The following LETMD1 variants were observed in gnomAD, a reference collection of about 807,000 sequenced individuals.
LETMD1 encodes LETM1 domain-containing protein 1.
Under a neutral mutation model 43.9 loss-of-function variants are expected in LETMD1, and 30 were observed. That is an observed-to-expected ratio of 0.68 (90% CI 0.51 to 0.93). The LOEUF (loss-of-function observed/expected upper bound fraction) is 0.93, where lower values mean the gene tolerates loss of function less well. Among genes scored for constraint, LETMD1 ranks in the 40% least tolerant of loss-of-function variants. The pLI is 0.00. For synonymous variants in LETMD1, 176 were observed against 163.1 expected (o/e 1.08, Z -0.60); for missense variants, 413 against 447.7 (o/e 0.92, Z 0.70).
chr12:51,052,326 T>C (rs1946402363), intron 3 of LETMD1, 119 bp downstream of exon 3: 1 of 1,236,206 alleles, frequency 8.1e-7, no homozygotes, highest in Non-Finnish European at 1.1e-6. Flanking sequence ...CCCTTTGCCG[T>C]GAGAACAAAA....
intron 3 of LETMD1, 34 bp from the exon 4 acceptor site, chr12:51,053,744 G>C: frequency 6.8e-7 from 1 of 1,460,112 alleles, no homozygotes; most frequent in Non-Finnish European, 9.6e-7. Flanking sequence ...AACTTATTTG[G>C]GTTAAAACTG....
chr12:51,063,677 T>C (rs1937798604), downstream of LETMD1: 2 of 1,260,988 alleles, frequency 1.6e-6, no homozygotes, highest in Non-Finnish European at 2.1e-6. Context: ...CAGTTTTGTT[T>C]TGAAATGGTG....
downstream of LETMD1, among the ~76,000 whole-genome samples, chr12:51,060,606 A>AAGTT (rs1948775475): frequency 6.6e-6 from 1 of 152,184 alleles, no homozygotes; most frequent in African/African-American, 2.4e-5. Context: ...GAATTTCATA[A>AAGTT]AGTTAATGGA....
In LETMD1 at chr12:51,052,221, G is replaced by A. The variant is rs760854336; in HGVS notation, c.390+14G>A. 11 of 1,613,238 alleles carry A rather than the reference G, an allele frequency of 6.8e-6. No individual in the cohort carries two copies. The highest frequency in any genetic ancestry group is 5.0e-5 in the Admixed American group (3 of 59,830). On this transcript the variant is annotated intron_variant, in intron 3 of 8. Coordinates refer to ENST00000262055, the MANE Select transcript of LETMD1 (RefSeq NM_015416.5). Reference sequence around the variant, plus strand: ...CATTTGAGACAGGTATGGGCCAGGGGCAGATATCCAGAAGTTCATGGTGAG... The same window carrying A: ...CATTTGAGACAGGTATGGGCCAGGGACAGATATCCAGAAGTTCATGGTGAG...
At chr12:51,049,438 TC>T in intron 2 of LETMD1, 3 of 388,296 alleles carry the variant, frequency 7.7e-6, no homozygotes, top group Non-Finnish European at 1.4e-5. Context: ...TCTCGTACTT[TC>T]TTAACCACAC....
chr12:51,067,798 T>C, the LETMD1 span: 1 of 1,614,224 alleles, frequency 6.2e-7, no homozygotes, highest in Non-Finnish European at 8.5e-7. This position sits in a 1 kb window ranked among gnomAD's most constrained non-coding sequence, Gnocchi z 4.1. Flanking sequence ...TCAGCATCAA[T>C]ACGGTGGACC....
intron 7 of LETMD1, chr12:51,057,714 C>T (rs1948132704): frequency 2.8e-6 from 1 of 358,564 alleles, no homozygotes; most frequent in Non-Finnish European, 5.4e-6. Flanking sequence ...CAACCTCCGC[C>T]TCCCAGGTTC....
At chr12:51,066,498 G>A in the LETMD1 span, among the ~76,000 whole-genome samples, 5 of 149,664 alleles carry the variant, frequency 3.3e-5, no homozygotes, top group Non-Finnish European at 5.9e-5. Flanking sequence ...ACAATTAGCC[G>A]GGCATAGTGG....
At chr12:51,060,859 G>A (rs1057462156), downstream of LETMD1, among the ~76,000 whole-genome samples, 2 of 139,280 alleles carry the variant, frequency 1.4e-5, no homozygotes, top group Admixed American at 7.8e-5. Flanking sequence ...CCGAGATTAC[G>A]ACACTGCACT....
In LETMD1 at chr12:51,049,200, A is replaced by G. The variant is rs759359838; in HGVS notation, c.274+15A>G. The stretch of plus-strand genomic sequence containing the variant: ...CTTCATGAAAGGTAAAAACGAAACT[A>G]CAATAGAAATTCCGGAATCAGCTCT... On this transcript the variant is annotated intron_variant, in intron 2 of 8. Coordinates refer to ENST00000262055, the MANE Select transcript of LETMD1 (RefSeq NM_015416.5). The G allele has an allele frequency of 2.5e-6, 4 of 1,602,574 alleles. No individual in the cohort carries two copies. Among genetic ancestry groups the G allele is most frequent in the South Asian group, 1.1e-5 (1 of 90,232 alleles).
At chr12:51,057,750 C>T (rs1271052575) in intron 7 of LETMD1, 4 of 393,446 alleles carry the variant, frequency 1.0e-5, no homozygotes, top group African/African-American at 4.1e-5. Context: ...CTCAGCCTCC[C>T]GAGTAGCTGG....
At chr12:51,064,762 T>C (rs1004564902), downstream of LETMD1, 19 of 1,157,486 alleles carry the variant, frequency 1.6e-5, no homozygotes, top group Middle Eastern at 6.1e-4. Flanking sequence ...CAGTTGGGAT[T>C]TGAGGTCTCC....
chr12:51,050,665 C>A (rs779219369), intron 2 of LETMD1, among the ~76,000 whole-genome samples: 1 of 151,922 alleles, frequency 6.6e-6, no homozygotes, highest in Non-Finnish European at 1.5e-5. Context: ...TGAAGACAAT[C>A]GAGACATCAT....
chr12:51,053,762 G>A lies in LETMD1; in HGVS notation c.391-16G>A. 5.0e-6 allele frequency: 8 copies of A among 1,593,860 alleles called. No individual in the cohort carries two copies. The highest frequency in any genetic ancestry group is 6.9e-6 in the Non-Finnish European group (8 of 1,163,636). On this transcript the variant is annotated splice_polypyrimidine_tract_variant and intron_variant, in intron 3 of 8. Coordinates refer to ENST00000262055, the MANE Select transcript of LETMD1 (RefSeq NM_015416.5). ...TTATTTGGGTTAAAACTGCATCTGT[G>A]TTTATTTCTGCTTAGTTCCGCCAAG...
At chr12:51,053,889 T>C (rs776960947) in intron 4 of LETMD1, 29 bp downstream of exon 4, 2 of 1,407,410 alleles carry the variant, frequency 1.4e-6, no homozygotes, top group Non-Finnish European at 2.0e-6. Context: ...CTCCCCAACA[T>C]CTTGAAGATG....
At position 51,048,344 on chromosome 12, in the gene LETMD1, T is replaced by C. The variant is rs754684990; in HGVS notation, c.-13T>C. The C allele has an allele frequency of 6.2e-7, 1 of 1,614,050 alleles. No individual in the cohort carries two copies. ...AAGACAACCTCTTCTCTCCCGCTTC[T>C]CTCGCTGTGAAGATGGCGCTCTCCA... On this transcript the variant is annotated 5_prime_UTR_variant, in exon 1 of 9. Coordinates refer to ENST00000262055, the MANE Select transcript of LETMD1 (RefSeq NM_015416.5).
chr12:51,065,587 T>C, the LETMD1 span, among the ~76,000 whole-genome samples: 1 of 151,992 alleles, frequency 6.6e-6, no homozygotes, highest in African/African-American at 2.4e-5. Context: ...CCTGGAGCCA[T>C]GCTGGGATTA....
intron 4 of LETMD1, among the ~76,000 whole-genome samples, chr12:51,054,741 G>A (rs7975628): frequency 0.89 from 135,578 of 152,230 alleles, 60,614 homozygotes; most frequent in East Asian, 0.98. Context: ...AGCTCTCCAT[G>A]AGACAAGTGC....
At chr12:51,058,376 T>C (rs532152705) in intron 8 of LETMD1, 3 of 505,056 alleles carry the variant, frequency 5.9e-6, no homozygotes, top group Non-Finnish European at 1.1e-5. Context: ...TTTCCAACCT[T>C]GGCACTTCCT....
Sources: gnomAD v4.1 joint callset for allele counts (sites outside exome capture counted in the v4.1 genomes callset) on GRCh38, gnomAD v4.1.1 for gene constraint, Gnocchi (gnomAD v3.1) non-coding constraint, MANE v1.5 for transcripts, NCBI Gene and HGNC (gene_info 2026-07-23, HGNC 2026-07-21) for gene names.